FRMD4A: variants seen among roughly 807,000 people sequenced by gnomAD.
FRMD4A encodes FERM domain containing 4A, also known as FERM domain-containing protein 4A.
In FRMD4A, 29 loss-of-function variants were observed where a neutral mutation model predicts 129.1. The ratio of observed to expected loss-of-function variants is 0.22; its 90% confidence interval spans 0.17 to 0.31. The LOEUF (loss-of-function observed/expected upper bound fraction) is 0.31. Among genes scored for constraint, FRMD4A ranks in the 10% least tolerant of loss-of-function variants. FRMD4A has a pLI of 1.00. For synonymous variants in FRMD4A, 634 were observed against 571.6 expected (o/e 1.11, Z -1.56); for missense variants, 1,272 against 1,375.8 (o/e 0.92, Z 1.19).
chr10:14,104,715 G>C (rs1015461351), intron 2 of FRMD4A, among the ~76,000 whole-genome samples: 2 of 152,248 alleles, frequency 1.3e-5, no homozygotes, highest in African/African-American at 4.8e-5. Context: ...TAGAGCAAGG[G>C]AAATTGCCAA....
chr10:13,915,241 C>G (rs1479759327), intron 2 of FRMD4A, among the ~76,000 whole-genome samples: 1 of 152,126 alleles, frequency 6.6e-6, no homozygotes, highest in Non-Finnish European at 1.5e-5. Context: ...ATGGTGATGT[C>G]TAGTCCCCAA....
intron 5 of FRMD4A, among the ~76,000 whole-genome samples, chr10:13,791,472 A>ACT (rs1224603497): frequency 6.6e-6 from 1 of 152,024 alleles, no homozygotes; most frequent in East Asian, 1.9e-4. Context: ...AAAGGGAGAG[A>ACT]GAGAGAAAGT....
At chr10:14,329,702 A>G (rs1425786515) in intron 2 of FRMD4A, among the ~76,000 whole-genome samples, 1 of 152,138 alleles carries the variant, frequency 6.6e-6, no homozygotes, top group Admixed American at 6.5e-5. Flanking sequence ...ATATCCAAAA[A>G]CAAACACAAT....
At chr10:14,207,113 A>G (rs1043213712) in intron 2 of FRMD4A, among the ~76,000 whole-genome samples, 7 of 152,216 alleles carry the variant, frequency 4.6e-5, no homozygotes, top group Admixed American at 3.3e-4. Flanking sequence ...ATGGTTAGAT[A>G]AGCAACATAT....
intron 2 of FRMD4A, among the ~76,000 whole-genome samples, chr10:14,098,690 G>A (rs1837137145): frequency 6.6e-6 from 1 of 152,100 alleles, no homozygotes; most frequent in Non-Finnish European, 1.5e-5. Context: ...TTACAGGTGT[G>A]AGCCACCGCG....
At chr10:13,743,411 T>A (rs1235743806) in intron 9 of FRMD4A, among the ~76,000 whole-genome samples, 3 of 152,056 alleles carry the variant, frequency 2.0e-5, no homozygotes, top group African/African-American at 7.2e-5. Context: ...GACTCCTAGA[T>A]CCAGGGTCAA....
chr10:14,021,671 C>T (rs958266407), intron 2 of FRMD4A, among the ~76,000 whole-genome samples: 4 of 152,228 alleles, frequency 2.6e-5, no homozygotes, highest in Non-Finnish European at 4.4e-5. Flanking sequence ...CTCAGAGACT[C>T]CTGGAGTCCT....
intron 2 of FRMD4A, among the ~76,000 whole-genome samples, chr10:14,021,619 T>C (rs1832758380): frequency 6.6e-6 from 1 of 152,060 alleles, no homozygotes; most frequent in Non-Finnish European, 1.5e-5. Context: ...AGGGTTCTGT[T>C]TCCCTCTGGG....
rs950989163 is a variant in FRMD4A, at chr10:13,712,536, C to A, written c.760-5423G>T. On this transcript the variant is annotated intron_variant, in intron 12 of 24. Transcript: ENST00000357447. ...TTCAAAAAAAAAAAAAGAGCAACAA[C>A]AAAAAAAACAGCCTGGATGATCTGG... is the stretch of plus-strand genomic sequence containing the variant. Among the ~76,000 whole-genome samples, 6 of 150,996 alleles carry A rather than the reference C, an allele frequency of 4.0e-5. No homozygotes were observed. The South Asian group carries it at 1.3e-3, about 32-fold the overall frequency.
chr10:14,203,972 C>T (rs1842710808), intron 2 of FRMD4A, among the ~76,000 whole-genome samples: 1 of 152,220 alleles, frequency 6.6e-6, no homozygotes, highest in Admixed American at 6.5e-5. Context: ...AACAAGAGCC[C>T]AGGAACATCT....
chr10:14,168,277 C>T (rs1841296293), intron 2 of FRMD4A, among the ~76,000 whole-genome samples: 1 of 152,162 alleles, frequency 6.6e-6, no homozygotes, highest in Admixed American at 6.5e-5. Context: ...GTTGTAATTA[C>T]TATAAAGATC....
chr10:14,078,901 G>T (rs1015269945), intron 2 of FRMD4A, among the ~76,000 whole-genome samples: 3 of 152,156 alleles, frequency 2.0e-5, no homozygotes, highest in Admixed American at 1.3e-4. Flanking sequence ...TTGTGTTAAG[G>T]CTCCATATTC....
At chr10:13,991,311 T>C (rs1345831939) in intron 2 of FRMD4A, among the ~76,000 whole-genome samples, 3 of 152,220 alleles carry the variant, frequency 2.0e-5, no homozygotes, top group African/African-American at 7.2e-5. Context: ...CCAGCCCTTA[T>C]CCTTGTGAGT....
Position 13,764,572 on chromosome 10 carries a change from C to T in FRMD4A, c.385-1892G>A, listed in dbSNP as rs548504309. On this transcript the variant is annotated intron_variant, in intron 6 of 24. Transcript: ENST00000357447. ...AAACTCACTAACCATGAGGACATGA[C>T]CTACCTTCTTAATAAACTTCTAAGT... is the stretch of plus-strand genomic sequence containing the variant. 3.6e-4 allele frequency among the ~76,000 whole-genome samples: 54 copies of T among 152,108 alleles called. 2 individuals are homozygous for T. Among genetic ancestry groups the T allele is most frequent in the African/African-American group, 1.2e-3 (48 of 41,516 alleles).
At chr10:14,233,129 G>A (rs542711513) in intron 2 of FRMD4A, among the ~76,000 whole-genome samples, 7 of 152,302 alleles carry the variant, frequency 4.6e-5, no homozygotes, top group African/African-American at 1.7e-4. Flanking sequence ...GGATTATTGT[G>A]AATGCATATG....
chr10:13,924,889 C>T (rs2095112922), intron 2 of FRMD4A, among the ~76,000 whole-genome samples: 1 of 151,626 alleles, frequency 6.6e-6, no homozygotes, highest in Non-Finnish European at 1.5e-5. Flanking sequence ...ATGGTGAAAC[C>T]CCGTCTCTAC....
rs78740040 is a variant in FRMD4A at position 13,944,581 on chromosome 10, G to A, written c.46-85669C>T. On this transcript the variant is annotated intron_variant, in intron 2 of 24. Transcript: ENST00000357447. ...ATTGTCTTCCATGAATCAGGTCCCC[G>A]GTGCCAAAAAAGTTGGGGACCACTG... is the stretch of plus-strand genomic sequence containing the variant. Among the ~76,000 whole-genome samples the A allele has an allele frequency of 2.1e-3, 312 of 152,088 alleles. 4 individuals carry two copies. The East Asian group carries it at 0.048, about 23-fold the overall frequency.
intron 2 of FRMD4A, among the ~76,000 whole-genome samples, chr10:14,059,627 A>C (rs12263154): frequency 2.6e-4 from 40 of 152,282 alleles, no homozygotes; most frequent in African/African-American, 9.6e-4. Flanking sequence ...TGAGAAATAC[A>C]TTTCTACTGT....
chr10:13,711,527 A>C (rs1038897339), intron 12 of FRMD4A, among the ~76,000 whole-genome samples: 1 of 152,242 alleles, frequency 6.6e-6, no homozygotes, highest in African/African-American at 2.4e-5. Context: ...AAAACACAGC[A>C]GGCACCCATA....
Sources: gnomAD v4.1 joint callset for allele counts (sites outside exome capture counted in the v4.1 genomes callset) on GRCh38, gnomAD v4.1.1 for gene constraint, MANE v1.5 for transcripts, NCBI Gene and HGNC (gene_info 2026-07-23, HGNC 2026-07-21) for gene names.